Variants in CEP170 observed in about 807,000 individuals in gnomAD.
The protein encoded by CEP170 is centrosomal protein of 170 kDa.
Under a neutral mutation model 151.9 loss-of-function variants are expected in CEP170, and 21 were observed. The ratio of observed to expected loss-of-function variants is 0.14; its 90% confidence interval spans 0.10 to 0.20. CEP170 has a LOEUF of 0.20. Ranked by LOEUF, CEP170 falls within the 10% of genes least tolerant of loss-of-function variation. CEP170 has a pLI of 1.00. For missense variants in CEP170, 964 were observed against 1,892.9 expected, an observed-to-expected ratio of 0.51 and a Z score of 9.11; for synonymous variants, 356 against 648.8, an observed-to-expected ratio of 0.55 and a Z score of 6.86.
At position 243,185,180 on chromosome 1, in the gene CEP170, G is replaced by GA. The variant is rs1385489966; in HGVS notation, c.1566+598dup. On this transcript the variant is annotated intron_variant, in intron 10 of 19. Transcript: ENST00000366542. The surrounding 1 kb of genome is among the most constrained non-coding windows in gnomAD (Gnocchi z 4.9). Reference sequence around the variant, plus strand: ...ACCAATAATATCAAAGAATACACTTGAAATGTAGGTAACTATCACGACTGG... The same window carrying GA: ...ACCAATAATATCAAAGAATACACTTGAAAATGTAGGTAACTATCACGACTGG... Among the ~76,000 whole-genome samples, 3 of 152,142 alleles carry GA rather than the reference G, an allele frequency of 2.0e-5. No homozygotes were observed. The highest frequency in any genetic ancestry group is 6.6e-5 in the Admixed American group (1 of 15,256).
chr1:243,251,501 T>C (rs557772356), intron 1 of CEP170, among the ~76,000 whole-genome samples: 1 of 152,210 alleles, frequency 6.6e-6, no homozygotes. Flanking sequence ...GTAAAAATAA[T>C]ACCTTAATTT....
chr1:243,144,160 T>A (rs1384666697), intron 14 of CEP170, among the ~76,000 whole-genome samples: 1 of 152,218 alleles, frequency 6.6e-6, no homozygotes, highest in African/African-American at 2.4e-5. Context: ...CTTGTCCCCA[T>A]GAAGCTTAGA....
At chr1:243,210,845 G>T (rs868415780) in intron 4 of CEP170, among the ~76,000 whole-genome samples, 1 of 151,524 alleles carries the variant, frequency 6.6e-6, no homozygotes, top group Non-Finnish European at 1.5e-5. Context: ...GGCTGGTCTC[G>T]AACTCCTGAC....
intron 10 of CEP170, among the ~76,000 whole-genome samples, chr1:243,181,949 A>G (rs1373213628): frequency 3.3e-5 from 5 of 151,996 alleles, no homozygotes; most frequent in African/African-American, 1.2e-4. Flanking sequence ...TTTGTATTCA[A>G]TTACTGCTAT....
chr1:243,146,139 G>T (rs1208364934), intron 14 of CEP170, among the ~76,000 whole-genome samples: 1 of 152,226 alleles, frequency 6.6e-6, no homozygotes, highest in African/African-American at 2.4e-5. Flanking sequence ...ATGTAAAGGT[G>T]TAAGAATGAT....
chr1:243,189,583 A>G (rs2060176872), intron 8 of CEP170, among the ~76,000 whole-genome samples: 7 of 151,906 alleles, frequency 4.6e-5, no homozygotes, highest in Admixed American at 3.9e-4. Flanking sequence ...AATAGTAGTA[A>G]TAATAATAGT....
chr1:243,215,978 G>A (rs1342322790), intron 3 of CEP170, among the ~76,000 whole-genome samples: 2 of 151,520 alleles, frequency 1.3e-5, no homozygotes, highest in Non-Finnish European at 2.9e-5. Flanking sequence ...GTGAAATAAC[G>A]TTGAATTATC....
At chr1:243,138,126 T>G (rs1464401119) in intron 16 of CEP170, among the ~76,000 whole-genome samples, 1 of 152,200 alleles carries the variant, frequency 6.6e-6, no homozygotes, top group East Asian at 1.9e-4. Flanking sequence ...TCACAAAGTA[T>G]TAAATAAATT....
At chr1:243,139,843 T>C (rs1219721531) in intron 16 of CEP170, 94 bp downstream of exon 16, 29 of 1,393,878 alleles carry the variant, frequency 2.1e-5, no homozygotes, top group South Asian at 1.8e-4. Context: ...GGAGAATCAC[T>C]TTTTCCCCAG....
At chr1:243,154,193 G>A (rs1490185954) in intron 14 of CEP170, among the ~76,000 whole-genome samples, 1 of 152,258 alleles carries the variant, frequency 6.6e-6, no homozygotes, top group East Asian at 1.9e-4. Context: ...AACAGAAAGA[G>A]TATGCTAAAG....
Position 243,124,561 on chromosome 1 carries a change from C to CA in CEP170, c.*1887dup, listed in dbSNP as rs1328149839. 1.3e-5 allele frequency: 2 copies of CA among 152,370 alleles called. No individual in the cohort carries two copies. The highest frequency in any genetic ancestry group is 4.8e-5 in the African/African-American group (2 of 41,372). The allele number at this position is 152,370 out of a possible 1,614,324, so 9.4% of individuals were successfully genotyped here. On this transcript the variant is annotated 3_prime_UTR_variant, in exon 20 of 20. Transcript: ENST00000366542. ...AAATAAAAATAACATAGTAAAAGGC[C>CA]AAATGTTTATAATTGAACCAAACTG...
Position 243,246,411 on chromosome 1 carries a change from T to C in CEP170, c.-42+8629A>G, listed in dbSNP as rs367687169. On this transcript the variant is annotated intron_variant, in intron 1 of 19. Transcript: ENST00000366542. ...CACGCTCAGCTAATTTTTGTATTTT[T>C]AGTAGAGACAGGGTTTCCCCATGTT... Among the ~76,000 whole-genome samples, 52 of 152,142 alleles carry C rather than the reference T, an allele frequency of 3.4e-4. 1 individual carries two copies. The South Asian group carries it at 5.4e-3, about 16-fold the overall frequency.
rs368857711 is a variant in CEP170 at position 243,197,925 on chromosome 1, G to C, written c.631+1135C>G. On this transcript the variant is annotated intron_variant, in intron 7 of 19. Coordinates refer to ENST00000366542, the MANE Select transcript of CEP170 (RefSeq NM_014812.3). ...GGGAATTTATTTGCAAAGTTGACAA[G>C]TTCAGCCTTGGGCACTGTAAGATGA... is the stretch of plus-strand genomic sequence containing the variant. Among the ~76,000 whole-genome samples the C allele has an allele frequency of 4.3e-4, 66 of 152,258 alleles. 2 individuals carry two copies. In the South Asian group the frequency reaches 0.013, roughly 31 times the overall value.
intron 3 of CEP170, among the ~76,000 whole-genome samples, chr1:243,215,850 C>A (rs532203102): frequency 6.6e-6 from 1 of 152,100 alleles, no homozygotes; most frequent in Non-Finnish European, 1.5e-5. Flanking sequence ...CGGGGCATCA[C>A]GGAACCTGCT....
intron 17 of CEP170, among the ~76,000 whole-genome samples, chr1:243,132,004 A>T (rs1378770729): frequency 1.3e-5 from 2 of 152,206 alleles, no homozygotes; most frequent in Admixed American, 1.3e-4. Context: ...GCCATGCTAC[A>T]CAACCTAAGG....
intron 4 of CEP170, 61 bp downstream of exon 4, chr1:243,211,825 T>G (rs772921851): frequency 1.1e-4 from 169 of 1,547,532 alleles, no homozygotes; most frequent in Non-Finnish European, 1.4e-4. Flanking sequence ...AAATGTTAAC[T>G]TAAACCAGAG....
chr1:243,250,101 C>A (rs1306831465), intron 1 of CEP170, among the ~76,000 whole-genome samples: 1 of 152,042 alleles, frequency 6.6e-6, no homozygotes, highest in East Asian at 1.9e-4. Context: ...AACAAAAAGG[C>A]CCCAAAAACA....
chr1:243,137,171 G>A (rs2055189990), intron 16 of CEP170, among the ~76,000 whole-genome samples: 1 of 152,226 alleles, frequency 6.6e-6, no homozygotes, highest in African/African-American at 2.4e-5. Flanking sequence ...GTGACAGGTT[G>A]GATTTGGCCT....
At chr1:243,145,837 C>T (rs2056421778) in intron 14 of CEP170, among the ~76,000 whole-genome samples, 1 of 152,092 alleles carries the variant, frequency 6.6e-6, no homozygotes, top group South Asian at 2.1e-4. Flanking sequence ...ATAATTTAGT[C>T]TAGTTTGTAA....
Sources: allele counts gnomAD v4.1 joint callset (sites outside exome capture counted in the v4.1 genomes callset), GRCh38; gene constraint gnomAD v4.1.1; non-coding constraint Gnocchi (gnomAD v3.1); transcripts MANE v1.5; gene names NCBI Gene and HGNC (gene_info 2026-07-23, HGNC 2026-07-21).